OLFM3: variants seen among roughly 807,000 people sequenced by gnomAD.
OLFM3 encodes noelin-3.
In OLFM3, 20 loss-of-function variants were observed where a neutral mutation model predicts 48.6. That is an observed-to-expected ratio of 0.41 (90% CI 0.29 to 0.60). The LOEUF is 0.60. Among genes scored for constraint, OLFM3 ranks in the 20% least tolerant of loss-of-function variants. The pLI is 0.28. For synonymous variants in OLFM3, 222 were observed against 198.1 expected (o/e 1.12, Z -1.01); for missense variants, 437 against 544.3 (o/e 0.80, Z 1.96).
intron 1 of OLFM3, among the ~76,000 whole-genome samples, chr1:101,960,547 G>T (rs1458714865): frequency 6.6e-6 from 1 of 152,190 alleles, no homozygotes; most frequent in Non-Finnish European, 1.5e-5. Context: ...GAGCTACCTA[G>T]TGTTACAGAA....
chr1:101,940,018 T>G (rs991139495), intron 1 of OLFM3, among the ~76,000 whole-genome samples: 2 of 152,208 alleles, frequency 1.3e-5, no homozygotes, highest in Admixed American at 6.5e-5. Flanking sequence ...TTTCACATTT[T>G]CATCTCAATT....
intron 1 of OLFM3, among the ~76,000 whole-genome samples, chr1:101,921,233 A>ACACACACACACACACAC (rs1557731127): frequency 6.6e-6 from 1 of 151,180 alleles, no homozygotes; most frequent in Admixed American, 6.6e-5. Context: ...ACACACACAC[A>ACACACACACACACACAC]AATATTCCTT....
In OLFM3 at chr1:101,919,374, T is replaced by C. The variant is rs918105880; in HGVS notation, c.69+77374A>G. Among the ~76,000 whole-genome samples, 3 of 152,338 alleles carry C rather than the reference T, an allele frequency of 2.0e-5. No homozygotes were observed. The East Asian group carries it at 5.8e-4, about 29-fold the overall frequency. ...ACGTTTAACCTATTTTAGTCATATT[T>C]TGCTCCCGTTATACGGAAACGTAAT... On this transcript the variant is annotated intron_variant, in intron 1 of 5. Transcript: ENST00000370103.
intron 5 of OLFM3, among the ~76,000 whole-genome samples, chr1:101,805,338 G>A (rs937175587): frequency 4.6e-5 from 7 of 151,600 alleles, no homozygotes; most frequent in Admixed American, 2.6e-4. Flanking sequence ...CTAGTTTTTC[G>A]TATTCAATTG....
chr1:101,804,655 T>C lies in OLFM3; in HGVS notation c.960A>G (p.Thr320=). The change falls in exon 6 of 6, where the codon ACA becomes ACG. Residue 320 remains threonine, a synonymous_variant. Transcript: ENST00000370103. The surrounding 1 kb of genome is among the most constrained non-coding windows in gnomAD (Gnocchi z 4.5). The part of the protein sequence containing the change: ...YAGFHNVYPY[T]WGGFSDIDLM... ...GGTCGATGTCAGAGAATCCACCCCA[T>C]GTGTAGGGGTAAACATTATGAAAAC... 1.9e-6 allele frequency: 3 copies of C among 1,612,520 alleles called. No homozygotes were observed. The highest frequency in any genetic ancestry group is 2.5e-6 in the Non-Finnish European group (3 of 1,179,126).
chr1:101,806,606 C>A (rs529230407), intron 4 of OLFM3, among the ~76,000 whole-genome samples: 9 of 151,646 alleles, frequency 5.9e-5, no homozygotes, highest in African/African-American at 2.2e-4. Flanking sequence ...TAACTTATAC[C>A]AGCCAGAAAA....
chr1:101,874,356 A>G (rs1343439154), intron 1 of OLFM3, among the ~76,000 whole-genome samples: 2 of 151,902 alleles, frequency 1.3e-5, no homozygotes, highest in Non-Finnish European at 2.9e-5. Context: ...CATTGGCTGT[A>G]CAGCTAAAGC....
chr1:101,936,194 T>C (rs1031176011), intron 1 of OLFM3, among the ~76,000 whole-genome samples: 1 of 152,144 alleles, frequency 6.6e-6, no homozygotes, highest in Admixed American at 6.6e-5. Flanking sequence ...AGTTTGCAGA[T>C]GATGATTCTC....
intron 1 of OLFM3, among the ~76,000 whole-genome samples, chr1:101,995,009 T>G (rs1661519747): frequency 6.6e-6 from 1 of 152,086 alleles, no homozygotes; most frequent in Non-Finnish European, 1.5e-5. Flanking sequence ...GTCTTCATAT[T>G]TAACAGAAAA....
chr1:101,902,031 T>C (rs1021528423), intron 1 of OLFM3, among the ~76,000 whole-genome samples: 1 of 151,836 alleles, frequency 6.6e-6, no homozygotes, highest in Non-Finnish European at 1.5e-5. Context: ...GGGTTAAAAA[T>C]AGAACTTGTC....
intron 1 of OLFM3, among the ~76,000 whole-genome samples, chr1:101,983,041 G>A (rs1661144882): frequency 6.6e-6 from 1 of 152,132 alleles, no homozygotes; most frequent in South Asian, 2.1e-4. Flanking sequence ...CTAAATTCCA[G>A]AAATATTTTT....
At chr1:101,944,900 G>A (rs985806792) in intron 1 of OLFM3, among the ~76,000 whole-genome samples, 13 of 151,162 alleles carry the variant, frequency 8.6e-5, no homozygotes, top group Non-Finnish European at 1.8e-4. Context: ...AAAAGTTCCT[G>A]GGCATGTGCC....
intron 1 of OLFM3, among the ~76,000 whole-genome samples, chr1:101,948,289 T>C (rs1570656568): frequency 6.6e-6 from 1 of 152,198 alleles, no homozygotes; most frequent in East Asian, 1.9e-4. Context: ...ATGAAATTTA[T>C]TACATTGATT....
Position 101,879,056 on chromosome 1 carries a change from G to A in OLFM3, c.70-42031C>T, listed in dbSNP as rs1427492959. 2.0e-5 allele frequency among the ~76,000 whole-genome samples: 3 copies of A among 151,812 alleles called. No individual in the cohort carries two copies. In the East Asian group the frequency reaches 5.8e-4, roughly 29 times the overall value. On this transcript the variant is annotated intron_variant, in intron 1 of 5. Coordinates refer to ENST00000370103, the MANE Select transcript of OLFM3 (RefSeq NM_058170.4). The stretch of plus-strand genomic sequence containing the variant: ...GAGAAGGGATAATTTGGAATGAACT[G>A]AATTATCACCTCAGCTTTGAGATTC...
At chr1:101,842,294 G>A (rs957343077) in intron 1 of OLFM3, among the ~76,000 whole-genome samples, 1 of 152,168 alleles carries the variant, frequency 6.6e-6, no homozygotes, top group African/African-American at 2.4e-5. Context: ...AACACTTTGG[G>A]AGGCTGGGGC....
At chr1:101,865,677 AG>A (rs1230169598) in intron 1 of OLFM3, among the ~76,000 whole-genome samples, 1 of 152,212 alleles carries the variant, frequency 6.6e-6, no homozygotes, top group Non-Finnish European at 1.5e-5. Context: ...CATATCCAAT[AG>A]CCCCAGAAAG....
At chr1:101,995,437 G>T (rs1238111475) in intron 1 of OLFM3, among the ~76,000 whole-genome samples, 2 of 152,046 alleles carry the variant, frequency 1.3e-5, no homozygotes, top group Non-Finnish European at 2.9e-5. Context: ...ATGCCTTTAA[G>T]ATTATTAAGA....
chr1:101,804,264 T>G lies in OLFM3; in HGVS notation c.1351A>C (p.Ile451Leu). 1 of 1,602,216 alleles carries G rather than the reference T, an allele frequency of 6.2e-7. No individual in the cohort carries two copies. Among genetic ancestry groups the G allele is most frequent in the Non-Finnish European group, 8.5e-7 (1 of 1,174,268 alleles). ...QVLFNVTLFH[I>L]IKTEDDT ...TATGTGTCATCCTCTGTCTTGATGA[T>G]ATGGAAAAGGGTGACATTGAACAGC... Residue 451 changes from isoleucine to leucine, a missense_variant, in exon 6 of 6, where the codon ATC becomes CTC. Physicochemically the swap from Ile to Leu is conservative, Grantham distance 5. Around this residue, in one of 3 missense-constraint regions of OLFM3, gnomAD observed 108 missense variants for 135.8 expected, o/e 0.80. Coordinates refer to ENST00000370103, the MANE Select transcript of OLFM3 (RefSeq NM_058170.4). The surrounding 1 kb of genome is among the most constrained non-coding windows in gnomAD (Gnocchi z 4.5).
intron 1 of OLFM3, among the ~76,000 whole-genome samples, chr1:101,896,702 C>G (rs1030104061): frequency 1.5e-5 from 2 of 132,848 alleles, no homozygotes; most frequent in Non-Finnish European, 3.2e-5. Context: ...TTAGTAGAGA[C>G]GGGGTTTCAC....
Sources: allele counts gnomAD v4.1 joint callset (sites outside exome capture counted in the v4.1 genomes callset), GRCh38; gene constraint gnomAD v4.1.1; regional missense constraint gnomAD v4.1.1; non-coding constraint Gnocchi (gnomAD v3.1); transcripts MANE v1.5; gene names NCBI Gene and HGNC (gene_info 2026-07-23, HGNC 2026-07-21).